HMCN1: variants seen among roughly 807,000 people sequenced by gnomAD.
HMCN1 encodes hemicentin 1, also known as hemicentin-1.
In HMCN1, 321 loss-of-function variants were observed where a neutral mutation model predicts 625.9. That is an observed-to-expected ratio of 0.51 (90% CI 0.47 to 0.56). The LOEUF is 0.56. Among genes scored for constraint, HMCN1 ranks in the 20% least tolerant of loss-of-function variants. The pLI, the probability that HMCN1 is intolerant of heterozygous loss-of-function variation, is 0.00. For missense variants in HMCN1, 6,588 were observed against 6,887.3 expected, an observed-to-expected ratio of 0.96 and a Z score of 1.54; for synonymous variants, 2,425 against 2,417.6, an observed-to-expected ratio of 1.00 and a Z score of -0.09.
chr1:185,753,062 GAA>G (rs1654918369), intron 1 of HMCN1, among the ~76,000 whole-genome samples: 1 of 151,704 alleles, frequency 6.6e-6, no homozygotes, highest in African/African-American at 2.4e-5. Flanking sequence ...AGTAGATAAA[GAA>G]AAAATCATAT....
rs907343885 is a variant in HMCN1 at position 185,901,085 on chromosome 1, A to C, written c.622-8252A>C. Among the ~76,000 whole-genome samples, 5 of 151,886 alleles carry C rather than the reference A, an allele frequency of 3.3e-5. No individual in the cohort carries two copies. The East Asian group carries it at 9.7e-4, about 29-fold the overall frequency. ...TCTATTAAATGTTTAATGCATCTAA[A>C]TCACTTCATCTATATTATTTCTAAA... On this transcript the variant is annotated intron_variant, in intron 4 of 106. Coordinates refer to ENST00000271588, the MANE Select transcript of HMCN1 (RefSeq NM_031935.3).
Position 185,907,551 on chromosome 1 carries a change from G to A in HMCN1, c.622-1786G>A, listed in dbSNP as rs116421019. On this transcript the variant is annotated intron_variant, in intron 4 of 106. Coordinates refer to ENST00000271588, the MANE Select transcript of HMCN1 (RefSeq NM_031935.3). ...GTCACTCATGTTCTCAACATATTTG[G>A]AGTACTTCGGTCTCTGTCTCAGTGT... Among the ~76,000 whole-genome samples the A allele has an allele frequency of 2.0e-3, 297 of 152,056 alleles. 1 individual carries two copies. In the Middle Eastern group the frequency reaches 0.027, roughly 14 times the overall value.
intron 1 of HMCN1, among the ~76,000 whole-genome samples, chr1:185,836,701 T>C (rs1393256762): frequency 6.6e-6 from 1 of 152,154 alleles, no homozygotes; most frequent in Non-Finnish European, 1.5e-5. Context: ...AAATGGCATG[T>C]AGTGGGTGTA....
At chr1:185,950,137 G>A (rs1232139172) in intron 11 of HMCN1, among the ~76,000 whole-genome samples, 2 of 151,544 alleles carry the variant, frequency 1.3e-5, no homozygotes, top group African/African-American at 4.9e-5. Flanking sequence ...ACAGTCATGG[G>A]GGTCAGGTGT....
Position 186,019,586 on chromosome 1 carries a change from T to C in HMCN1, c.5516T>C (p.Val1839Ala). 1 of 1,610,914 alleles carries C rather than the reference T, an allele frequency of 6.2e-7. No homozygotes were observed. ...KSSGLSERVV[V>A]KYKPVALQCI... ...TCAGGCCTTTCTGAGAGAGTTGTGG[T>C]AAAATACAAGCCTGTCGCCTTGCAG... Residue 1839 changes from valine to alanine, a missense_variant, in exon 35 of 107, where the codon GTA (valine) becomes GCA (alanine). By Grantham distance (64) the Val-to-Ala change is moderately conservative. Around this residue, in one of 3 missense-constraint regions of HMCN1, gnomAD observed 4,628 missense variants for 4,853.1 expected, o/e 0.95. Coordinates refer to ENST00000271588, the MANE Select transcript of HMCN1 (RefSeq NM_031935.3).
chr1:186,053,827 T>C lies in HMCN1; in HGVS notation c.6703T>C (p.Ser2235Pro), dbSNP rs771696225. The C allele has an allele frequency of 3.1e-6, 5 of 1,612,502 alleles. 2 individuals carry two copies. The South Asian group carries it at 5.5e-5, about 18-fold the overall frequency. ...PPNLIWKKKG[S>P]PVLTDSMGRV... is the part of the protein sequence containing the mutation. ...CTGCCATTTGGACTTCTTTGTAGGC[T>C]CTCCAGTGCTGACTGATTCCATGGG... Residue 2235 changes from serine (S) to proline (P), a missense_variant and splice_region_variant, in exon 44 of 107, where the codon TCT (serine) becomes CCT (proline). Physicochemically the swap from Ser to Pro is moderately conservative, Grantham distance 74 (BLOSUM62 -1). Around this residue, in one of 3 missense-constraint regions of HMCN1, gnomAD observed 4,628 missense variants for 4,853.1 expected, o/e 0.95. Transcript: ENST00000271588.
chr1:185,817,626 T>C (rs942910592), intron 1 of HMCN1, among the ~76,000 whole-genome samples: 2 of 152,208 alleles, frequency 1.3e-5, no homozygotes, highest in Non-Finnish European at 2.9e-5. Context: ...CCACAGTTTA[T>C]ACTTTTTAGC....
chr1:186,023,337 A>G (rs1418048595), intron 36 of HMCN1, among the ~76,000 whole-genome samples, 184 bp downstream of exon 36: 1 of 145,158 alleles, frequency 6.9e-6, no homozygotes, highest in Non-Finnish European at 1.5e-5. Flanking sequence ...TCGTGTTAGG[A>G]TCTTCTGTTT....
intron 32 of HMCN1, 36 bp from the exon 33 acceptor site, chr1:186,016,927 C>T (rs1265716273): frequency 1.4e-5 from 16 of 1,137,102 alleles, no homozygotes; most frequent in Non-Finnish European, 2.0e-5. Flanking sequence ...TTGTTGTATA[C>T]ATTTCTTTGC....
chr1:186,074,631 T>C, intron 52 of HMCN1, 110 bp from the exon 53 acceptor site: 1 of 918,066 alleles, frequency 1.1e-6, no homozygotes. Context: ...ATGTTTTGCA[T>C]ACAATTTTAT....
Position 186,087,241 on chromosome 1 carries a change from G to A in HMCN1, c.9071G>A (p.Arg3024Gln), listed in dbSNP as rs776569442. ...GGTGGTCGAACTCTACAGATTATTC[G>A]GGCCAAGGTATCAGATGGTGGTGAA... is the stretch of plus-strand genomic sequence containing the variant. ...VPGGRTLQII[R>Q]AKVSDGGEYT... The change falls in exon 59 of 107, where the codon CGG (arginine) becomes CAG (glutamine). Residue 3024 changes from arginine (R) to glutamine (Q), a missense_variant. Transcript: ENST00000271588. 2.5e-5 allele frequency: 41 copies of A among 1,612,602 alleles called. No homozygotes were observed. Among genetic ancestry groups the A allele is most frequent in the Non-Finnish European group, 3.1e-5 (37 of 1,179,074 alleles).
intron 71 of HMCN1, among the ~76,000 whole-genome samples, chr1:186,110,893 C>T (rs1056930406): frequency 6.7e-6 from 1 of 149,482 alleles, no homozygotes; most frequent in Non-Finnish European, 1.5e-5. Flanking sequence ...GTGAGATTAT[C>T]AGCTAAGAAT....
intron 37 of HMCN1, 71 bp downstream of exon 37, chr1:186,038,106 C>A: frequency 1.1e-6 from 1 of 925,214 alleles, no homozygotes; most frequent in Non-Finnish European, 1.8e-6. Flanking sequence ...TGGTTTTGAG[C>A]ATAATATACT....
At chr1:185,941,045 C>T (rs757937332) in intron 11 of HMCN1, among the ~76,000 whole-genome samples, 38 of 152,028 alleles carry the variant, frequency 2.5e-4, no homozygotes, top group Non-Finnish European at 4.4e-4. Flanking sequence ...TTAGTAGAGA[C>T]GGTGTTTCAC....
In HMCN1 at chr1:186,152,883, G is replaced by A. The variant is rs1412847298; in HGVS notation, c.15018+12G>A. 1.8e-5 allele frequency: 29 copies of A among 1,613,342 alleles called. No individual in the cohort carries two copies. Among genetic ancestry groups the A allele is most frequent in the Non-Finnish European group, 2.3e-5 (27 of 1,179,522 alleles). Reference sequence around the variant, plus strand: ...AAGTCACTGTAAAGGTAAAATGCCAGGATAACTTGTCTTTGCTGCTTATTA... The same window carrying A: ...AAGTCACTGTAAAGGTAAAATGCCAAGATAACTTGTCTTTGCTGCTTATTA... On this transcript the variant is annotated intron_variant, in intron 96 of 106. Transcript: ENST00000271588.
At chr1:186,182,347 GAGA>G in intron 105 of HMCN1, 60 bp downstream of exon 105, 4 of 1,604,200 alleles carry the variant, frequency 2.5e-6, no homozygotes, top group Non-Finnish European at 3.4e-6. Flanking sequence ...CAGAGAGTGT[GAGA>G]AGTTTTTTTT....
intron 69 of HMCN1, among the ~76,000 whole-genome samples, chr1:186,104,685 T>C (rs1460483760): frequency 1.3e-5 from 2 of 152,190 alleles, no homozygotes; most frequent in Non-Finnish European, 2.9e-5. Flanking sequence ...TCATTGCTGC[T>C]CAGTGATGGA....
At chr1:186,013,197 A>G (rs918490567) in intron 30 of HMCN1, among the ~76,000 whole-genome samples, 9 of 152,178 alleles carry the variant, frequency 5.9e-5, no homozygotes, top group African/African-American at 1.4e-4. Flanking sequence ...ATATAAATGA[A>G]TGAATGTGAC....
chr1:186,006,995 T>C (rs1454176604), intron 29 of HMCN1, 133 bp from the exon 30 acceptor site: 1 of 712,286 alleles, frequency 1.4e-6, no homozygotes, highest in Non-Finnish European at 2.4e-6. Context: ...CTTGGAGTGC[T>C]AATCATATCA....
Sources: gnomAD v4.1 joint callset for allele counts (sites outside exome capture counted in the v4.1 genomes callset) on GRCh38, gnomAD v4.1.1 for gene constraint, gnomAD v4.1.1 regional missense constraint, MANE v1.5 for transcripts, NCBI Gene and HGNC (gene_info 2026-07-23, HGNC 2026-07-21) for gene names.